The following PBX1 variants were observed in gnomAD, a reference collection of about 807,000 sequenced individuals.
The protein encoded by PBX1 is PBX homeobox 1, also known as pre-B-cell leukemia transcription factor 1.
PBX1 carries 6 observed loss-of-function variants against 53.4 expected under a neutral mutation model. The ratio of observed to expected loss-of-function variants is 0.11; its 90% CI spans 0.06 to 0.22. PBX1 has a LOEUF of 0.22. PBX1 is among the 10% of genes least tolerant of loss of function. PBX1 has a pLI of 1.00. For missense variants in PBX1, 251 were observed against 551.4 expected, an observed-to-expected ratio of 0.46 and a Z score of 5.46; for synonymous variants, 204 against 212.3, an observed-to-expected ratio of 0.96 and a Z score of 0.34.
At chr1:164,883,902 G>A (rs1314739284) in intron 2 of PBX1, among the ~76,000 whole-genome samples, 2 of 152,194 alleles carry the variant, frequency 1.3e-5, no homozygotes, top group African/African-American at 4.8e-5. Context: ...GAGGACAGGT[G>A]TCTAACACTC....
chr1:164,861,343 A>T (rs1672092051), intron 2 of PBX1, among the ~76,000 whole-genome samples: 1 of 152,186 alleles, frequency 6.6e-6, no homozygotes, highest in African/African-American at 2.4e-5. Context: ...CTAAATATCA[A>T]GTTTGTGATT....
intron 2 of PBX1, among the ~76,000 whole-genome samples, chr1:164,871,272 G>A (rs1371161326): frequency 6.6e-6 from 1 of 152,212 alleles, no homozygotes; most frequent in Non-Finnish European, 1.5e-5. Flanking sequence ...AGAATAGAGT[G>A]CTTTCAGTGG....
chr1:164,621,923 G>A (rs1269855868), intron 2 of PBX1, among the ~76,000 whole-genome samples: 4 of 151,904 alleles, frequency 2.6e-5, no homozygotes, highest in South Asian at 2.1e-4. Flanking sequence ...CACTAAATAC[G>A]TTCTATAAAA....
At chr1:164,732,601 G>C (rs2102141961) in intron 2 of PBX1, among the ~76,000 whole-genome samples, 1 of 151,896 alleles carries the variant, frequency 6.6e-6, no homozygotes, top group East Asian at 2.0e-4. Context: ...ACTTTTAATG[G>C]CAAAGACCGT....
chr1:164,863,137 C>T lies in PBX1; in HGVS notation n.257+31654C>T, dbSNP rs534338019. 1.4e-4 allele frequency among the ~76,000 whole-genome samples: 22 copies of T among 152,322 alleles called. 1 individual carries two copies. In the South Asian group the frequency reaches 3.1e-3, roughly 22 times the overall value. ...GGAAATGAATGATTATCTCAGATCT[C>T]CTCACCCTTCTCTTCCTTCAGACAC... On this transcript the variant is annotated intron_variant and non_coding_transcript_variant, in intron 2 of 2. Coordinates refer to the PBX1 transcript ENST00000558796.
At chr1:164,586,621 A>C (rs1159923423) in intron 2 of PBX1, among the ~76,000 whole-genome samples, 1 of 152,214 alleles carries the variant, frequency 6.6e-6, no homozygotes, top group African/African-American at 2.4e-5. Flanking sequence ...TGCTTTGTAA[A>C]TTATAAAGCA....
At chr1:164,877,873 A>G (rs1025334134) in intron 2 of PBX1, among the ~76,000 whole-genome samples, 1 of 152,152 alleles carries the variant, frequency 6.6e-6, no homozygotes, top group African/African-American at 2.4e-5. Context: ...TTTGTAATCC[A>G]TTCTTCCTAC....
At chr1:164,597,154 T>C (rs918891647) in intron 2 of PBX1, among the ~76,000 whole-genome samples, 1 of 152,266 alleles carries the variant, frequency 6.6e-6, no homozygotes, top group African/African-American at 2.4e-5. Flanking sequence ...TAACATTTCC[T>C]TTGAGGAATC....
chr1:164,592,034 A>G (rs1655421055), intron 2 of PBX1, among the ~76,000 whole-genome samples: 1 of 149,742 alleles, frequency 6.7e-6, no homozygotes, highest in Non-Finnish European at 1.5e-5. Context: ...GTGATTCCTG[A>G]GTAACTCTAG....
Position 164,849,989 on chromosome 1 carries a change from G to T in PBX1, c.*3313G>T, listed in dbSNP as rs1671753299. On this transcript the variant is annotated 3_prime_UTR_variant, in exon 9 of 9. Transcript: ENST00000420696. ...TCTTGCGACTTGTGTCTCGTTCTTT[G>T]TAGTATTGATGATGAACATTTGATA... is the stretch of plus-strand genomic sequence containing the variant. 4.4e-6 allele frequency: 1 copy of T among 226,700 alleles called. No individual in the cohort carries two copies. The highest frequency in any genetic ancestry group is 1.8e-4 in the South Asian group (1 of 5,452). 14.0% of individuals were successfully genotyped at this position (226,700 alleles called of 1,614,324 possible). A position where few individuals can be genotyped will look rare whatever the true frequency, so the allele number is the denominator to read the frequency against.
rs141993532 is a variant in PBX1, at chr1:164,877,348, G to A, written n.258-21840G>A. 2.7e-4 allele frequency among the ~76,000 whole-genome samples: 41 copies of A among 152,100 alleles called. 1 individual carries two copies. In the East Asian group the frequency reaches 7.9e-3, roughly 29 times the overall value. On this transcript the variant is annotated intron_variant and non_coding_transcript_variant, in intron 2 of 2. Coordinates refer to the PBX1 transcript ENST00000558796. The stretch of plus-strand genomic sequence containing the variant: ...ATAATGATTAAACCCTTTGTTTAAT[G>A]TGCCAGATTTTGAGGGTATAAAAGT...
chr1:164,634,270 C>T (rs533351777), intron 2 of PBX1, among the ~76,000 whole-genome samples: 9 of 152,282 alleles, frequency 5.9e-5, no homozygotes, highest in South Asian at 4.2e-4. Flanking sequence ...AGGTGAGTTT[C>T]GAAGGTCGAG....
chr1:164,801,681 G>A (rs946692294), intron 4 of PBX1, among the ~76,000 whole-genome samples: 7 of 152,130 alleles, frequency 4.6e-5, no homozygotes, highest in East Asian at 1.9e-4. Flanking sequence ...GGCACCAGAC[G>A]GACAATCACT....
At chr1:164,868,748 C>A (rs11804230) in intron 2 of PBX1, among the ~76,000 whole-genome samples, 1 of 152,138 alleles carries the variant, frequency 6.6e-6, no homozygotes. Context: ...TAGCAGTCTG[C>A]GAGCCTGGCA....
chr1:164,726,510 T>C (rs1664708704), intron 2 of PBX1, among the ~76,000 whole-genome samples: 1 of 152,224 alleles, frequency 6.6e-6, no homozygotes, highest in Admixed American at 6.5e-5. Context: ...CAAAACATCC[T>C]GGTCACATCT....
intron 2 of PBX1, among the ~76,000 whole-genome samples, chr1:164,690,492 G>T (rs187073139): frequency 2.0e-5 from 3 of 151,976 alleles, no homozygotes; most frequent in Non-Finnish European, 4.4e-5. Context: ...TACATTGTTC[G>T]GGCGCAGTGG....
At chr1:164,669,219 A>G (rs750640134) in intron 2 of PBX1, among the ~76,000 whole-genome samples, 2 of 152,166 alleles carry the variant, frequency 1.3e-5, no homozygotes, top group Non-Finnish European at 2.9e-5. Context: ...ATGGGATGCT[A>G]TTAGGCTATG....
At chr1:164,674,860 C>CA (rs1661341475) in intron 2 of PBX1, 1 of 93,372 alleles carries the variant, frequency 1.1e-5, no homozygotes, top group Non-Finnish European at 2.5e-5. Context: ...CCCCCCCCCC[C>CA]CCACCCACCA....
chr1:164,575,652 G>A (rs945572062), intron 2 of PBX1, among the ~76,000 whole-genome samples: 8 of 152,182 alleles, frequency 5.3e-5, no homozygotes, highest in Non-Finnish European at 1.2e-4. Flanking sequence ...GATGAGCCCT[G>A]CCTACATCCA....
Sources: gnomAD v4.1 joint callset for allele counts (sites outside exome capture counted in the v4.1 genomes callset) on GRCh38, gnomAD v4.1.1 for gene constraint, MANE v1.5 for transcripts, NCBI Gene and HGNC (gene_info 2026-07-23, HGNC 2026-07-21) for gene names.